LRRTM4: variants seen among roughly 807,000 people sequenced by gnomAD.
LRRTM4 encodes leucine-rich repeat transmembrane neuronal protein 4.
LRRTM4 carries 25 observed loss-of-function variants against 47.6 expected under a neutral mutation model. The observed-to-expected ratio is 0.53, with a 90% CI of 0.38 to 0.73. The LOEUF is 0.73. Ranked by LOEUF, LRRTM4 falls within the 30% of genes least tolerant of loss-of-function variation. The pLI, the probability that LRRTM4 is intolerant of heterozygous loss-of-function variation, is 0.00. For missense variants in LRRTM4, 638 were observed against 713.4 expected (o/e 0.89, Z 1.20); for synonymous variants, 311 against 269.5 (o/e 1.15, Z -1.51).
intron 3 of LRRTM4, among the ~76,000 whole-genome samples, chr2:77,296,491 G>A (rs1676977278): frequency 6.6e-6 from 1 of 151,864 alleles, no homozygotes; most frequent in South Asian, 2.1e-4. Flanking sequence ...TCTATGGTAC[G>A]TTGTTCCTGA....
At chr2:77,157,604 C>T (rs576126503) in intron 3 of LRRTM4, among the ~76,000 whole-genome samples, 6 of 152,014 alleles carry the variant, frequency 3.9e-5, no homozygotes, top group East Asian at 3.9e-4. Context: ...GATATACTTG[C>T]GGTCAGAGAA....
intron 3 of LRRTM4, among the ~76,000 whole-genome samples, chr2:77,165,612 T>C (rs980656868): frequency 3.9e-5 from 6 of 152,170 alleles, no homozygotes; most frequent in Admixed American, 2.6e-4. Flanking sequence ...TTATCCACCA[T>C]GATCAAGTGG....
intron 3 of LRRTM4, among the ~76,000 whole-genome samples, chr2:77,363,669 G>T (rs1462032193): frequency 1.3e-5 from 2 of 152,096 alleles, no homozygotes; most frequent in Non-Finnish European, 2.9e-5. Flanking sequence ...TAATGAATGT[G>T]CGCTTCAAAA....
chr2:77,429,837 G>C (rs891224264), intron 3 of LRRTM4, among the ~76,000 whole-genome samples: 2 of 152,156 alleles, frequency 1.3e-5, no homozygotes, highest in Non-Finnish European at 2.9e-5. Context: ...AGGCCGAGGC[G>C]GGTGGATTGT....
chr2:77,396,201 C>G (rs1573358228), intron 3 of LRRTM4, among the ~76,000 whole-genome samples: 1 of 151,654 alleles, frequency 6.6e-6, no homozygotes. Flanking sequence ...ATAACAACCC[C>G]CTTAATCATG....
intron 3 of LRRTM4, among the ~76,000 whole-genome samples, chr2:77,040,508 T>A (rs1468289782): frequency 6.6e-6 from 1 of 151,458 alleles, no homozygotes; most frequent in Non-Finnish European, 1.5e-5. Flanking sequence ...ATCAAGCTTG[T>A]GTTTTGATAG....
chr2:76,975,978 GT>G (rs1198412956), intron 3 of LRRTM4, among the ~76,000 whole-genome samples: 1 of 151,664 alleles, frequency 6.6e-6, no homozygotes, highest in African/African-American at 2.4e-5. Context: ...CTGGACTTAG[GT>G]TTTCTTCATT....
chr2:76,968,031 G>A (rs1332168738), intron 3 of LRRTM4, among the ~76,000 whole-genome samples: 1 of 150,602 alleles, frequency 6.6e-6, no homozygotes, highest in African/African-American at 2.4e-5. Flanking sequence ...AGGCAAAAAT[G>A]GATAAAAAGA....
intron 3 of LRRTM4, among the ~76,000 whole-genome samples, chr2:76,862,022 T>C (rs1573225155): frequency 6.6e-6 from 1 of 152,210 alleles, no homozygotes; most frequent in Non-Finnish European, 1.5e-5. Flanking sequence ...GTGTGCTTAG[T>C]ACAAATATAT....
intron 3 of LRRTM4, among the ~76,000 whole-genome samples, chr2:77,067,726 T>A (rs1400869874): frequency 8.3e-6 from 1 of 120,542 alleles, no homozygotes; most frequent in Non-Finnish European, 1.6e-5. Context: ...CATACATATT[T>A]CAGGAAAAAT....
chr2:76,929,333 T>G (rs1213812796), intron 3 of LRRTM4, among the ~76,000 whole-genome samples: 1 of 152,156 alleles, frequency 6.6e-6, no homozygotes, highest in Admixed American at 6.6e-5. Context: ...ACAAATGCAT[T>G]TGTGCCCATT....
rs547787431 is a variant in LRRTM4 at position 76,912,906 on chromosome 2, A to C, written c.1552-163990T>G. On this transcript the variant is annotated intron_variant, in intron 3 of 3. Coordinates refer to ENST00000409884, the MANE Select transcript of LRRTM4 (RefSeq NM_001134745.3). ...TTCCTGAGGTCTGTTTAGAAGCAGA[A>C]GCCGCTATGCTTCCTGTACAGCCTG... Among the ~76,000 whole-genome samples, 324 of 152,318 alleles carry C rather than the reference A, an allele frequency of 2.1e-3. 4 individuals carry two copies. Among genetic ancestry groups the C allele is most frequent in the African/African-American group, 7.0e-3 (293 of 41,562 alleles).
At chr2:76,821,722 T>G (rs1376946707) in intron 3 of LRRTM4, among the ~76,000 whole-genome samples, 1 of 151,768 alleles carries the variant, frequency 6.6e-6, no homozygotes, top group African/African-American at 2.4e-5. Context: ...ATTAATACAC[T>G]CAGCAAATGC....
chr2:76,908,373 C>T (rs186631981), intron 3 of LRRTM4, among the ~76,000 whole-genome samples: 2,465 of 151,912 alleles, frequency 0.016, 22 homozygotes, highest in Non-Finnish European at 0.028. Context: ...ATGACAAACC[C>T]ACAGCCAATA....
chr2:77,342,555 A>G (rs1408517957), intron 3 of LRRTM4, among the ~76,000 whole-genome samples: 1 of 152,114 alleles, frequency 6.6e-6, no homozygotes, highest in African/African-American at 2.4e-5. Context: ...AAATTTTTTA[A>G]TATCTAGAAC....
chr2:77,336,378 A>C (rs1671169849), intron 3 of LRRTM4, among the ~76,000 whole-genome samples: 1 of 152,138 alleles, frequency 6.6e-6, no homozygotes, highest in Non-Finnish European at 1.5e-5. Context: ...TTGCACTTTT[A>C]CCAGTTAGCT....
intron 3 of LRRTM4, among the ~76,000 whole-genome samples, chr2:77,210,336 C>T (rs1674256658): frequency 6.6e-6 from 1 of 152,102 alleles, no homozygotes; most frequent in Non-Finnish European, 1.5e-5. Context: ...TTCCTCTTCC[C>T]CACCCTATAA....
chr2:77,453,094 T>C (rs1247890690), intron 3 of LRRTM4, among the ~76,000 whole-genome samples: 1 of 152,016 alleles, frequency 6.6e-6, no homozygotes, highest in South Asian at 2.1e-4. Flanking sequence ...ATATCCATGT[T>C]TTTGTGATTT....
At chr2:76,978,426 A>G (rs1354052282) in intron 3 of LRRTM4, among the ~76,000 whole-genome samples, 2 of 152,068 alleles carry the variant, frequency 1.3e-5, no homozygotes, top group East Asian at 1.9e-4. Flanking sequence ...CTTATGTAAC[A>G]TGAAAATATA....
Sources: allele counts gnomAD v4.1 joint callset (sites outside exome capture counted in the v4.1 genomes callset), GRCh38; gene constraint gnomAD v4.1.1; transcripts MANE v1.5; gene names NCBI Gene and HGNC (gene_info 2026-07-23, HGNC 2026-07-21).